ATP2B1: variants seen among roughly 807,000 people sequenced by gnomAD.
ATP2B1 encodes the protein ATPase plasma membrane Ca2+ transporting 1, also known as plasma membrane calcium-transporting ATPase 1.
A neutral mutation model predicts 124.2 loss-of-function variants in ATP2B1; 14 were observed. The observed-to-expected ratio is 0.11, with a 90% CI of 0.07 to 0.18. The LOEUF (loss-of-function observed/expected upper bound fraction) is 0.18, where lower values mean the gene tolerates loss of function less well. Ranked by LOEUF, ATP2B1 falls within the 10% of genes least tolerant of loss-of-function variation. The pLI is 1.00. For missense variants in ATP2B1, 763 were observed against 1,466.1 expected, an observed-to-expected ratio of 0.52 and a Z score of 7.83; for synonymous variants, 449 against 492.4, an observed-to-expected ratio of 0.91 and a Z score of 1.17.
intron 1 of ATP2B1, among the ~76,000 whole-genome samples, chr12:89,658,642 A>AGAGAGAGAGG (rs1886293587): frequency 6.7e-6 from 1 of 150,208 alleles, no homozygotes; most frequent in Non-Finnish European, 1.5e-5. Context: ...AGAGAGAGAG[A>AGAGAGAGAGG]GAGAGATAGA....
chr12:89,692,489 C>T (rs1197243825), intron 1 of ATP2B1, among the ~76,000 whole-genome samples: 2 of 152,110 alleles, frequency 1.3e-5, no homozygotes, highest in Non-Finnish European at 2.9e-5. Flanking sequence ...CAGGGAGAGG[C>T]TCTGGCCACT....
chr12:89,653,940 G>A (rs921617851), intron 2 of ATP2B1, among the ~76,000 whole-genome samples: 1 of 152,200 alleles, frequency 6.6e-6, no homozygotes, highest in Non-Finnish European at 1.5e-5. Flanking sequence ...ACAGTTGAGT[G>A]AAGATTTGAA....
chr12:89,684,297 T>G (rs1218444122), intron 1 of ATP2B1, among the ~76,000 whole-genome samples: 1 of 152,176 alleles, frequency 6.6e-6, no homozygotes, highest in Non-Finnish European at 1.5e-5. Context: ...TTCTACATAT[T>G]CAAAATGTAA....
intron 1 of ATP2B1, among the ~76,000 whole-genome samples, chr12:89,699,074 CT>C (rs1410939631): frequency 6.6e-6 from 1 of 152,184 alleles, no homozygotes; most frequent in Non-Finnish European, 1.5e-5. Flanking sequence ...TTTTGCCCCC[CT>C]GTCCCCTCTT....
At chr12:89,674,037 T>C (rs1273921066) in intron 1 of ATP2B1, among the ~76,000 whole-genome samples, 1 of 152,232 alleles carries the variant, frequency 6.6e-6, no homozygotes, top group East Asian at 1.9e-4. Context: ...AACCTCTTAC[T>C]GACATGGGCA....
At chr12:89,682,575 AT>A (rs1259797226) in intron 1 of ATP2B1, among the ~76,000 whole-genome samples, 1 of 152,200 alleles carries the variant, frequency 6.6e-6, no homozygotes, top group Non-Finnish European at 1.5e-5. Context: ...ATATATGACA[AT>A]GGTAGTAGCT....
intron 2 of ATP2B1, among the ~76,000 whole-genome samples, chr12:89,648,940 A>T (rs1884874751): frequency 6.6e-6 from 1 of 152,254 alleles, no homozygotes; most frequent in South Asian, 2.1e-4. Flanking sequence ...GCAAGCCGTA[A>T]GCCTTGGTAG....
intron 13 of ATP2B1, 123 bp downstream of exon 13, chr12:89,611,070 T>G: frequency 1.1e-6 from 1 of 880,624 alleles, no homozygotes; most frequent in Non-Finnish European, 1.6e-6. Context: ...TCCTAAGGTA[T>G]AGACTGCATT....
At chr12:89,653,065 T>C (rs895573025) in intron 2 of ATP2B1, among the ~76,000 whole-genome samples, 12 of 152,160 alleles carry the variant, frequency 7.9e-5, no homozygotes, top group Non-Finnish European at 1.5e-5. Context: ...ATAAGTATAA[T>C]GCTTAAAATG....
intron 2 of ATP2B1, among the ~76,000 whole-genome samples, chr12:89,647,794 C>T (rs1193763206): frequency 6.6e-6 from 1 of 152,088 alleles, no homozygotes. Context: ...GGGGCGAATC[C>T]TTCATGAATG....
chr12:89,612,547 G>GAAAC (rs1237855567), intron 12 of ATP2B1, among the ~76,000 whole-genome samples: 1 of 151,984 alleles, frequency 6.6e-6, no homozygotes, highest in Non-Finnish European at 1.5e-5. Flanking sequence ...GCAAAAGAAA[G>GAAAC]AAACAGAGAT....
intron 5 of ATP2B1, among the ~76,000 whole-genome samples, chr12:89,633,555 T>A (rs1457459031): frequency 6.6e-6 from 1 of 152,004 alleles, no homozygotes; most frequent in Non-Finnish European, 1.5e-5. Context: ...ATGGTGTTTA[T>A]AAATGTAATT....
chr12:89,658,643 G>GAT (rs1886294155), intron 1 of ATP2B1, among the ~76,000 whole-genome samples: 1 of 142,788 alleles, frequency 7.0e-6, no homozygotes, highest in Non-Finnish European at 1.6e-5. Context: ...GAGAGAGAGA[G>GAT]AGAGATAGAG....
At chr12:89,671,256 GA>G (rs1006470228) in intron 1 of ATP2B1, among the ~76,000 whole-genome samples, 5 of 151,978 alleles carry the variant, frequency 3.3e-5, no homozygotes, top group Non-Finnish European at 5.9e-5. Flanking sequence ...CTCAATGGGA[GA>G]AAAAAAGCAT....
chr12:89,628,692 A>T (rs1881338496), intron 6 of ATP2B1, among the ~76,000 whole-genome samples: 1 of 152,180 alleles, frequency 6.6e-6, no homozygotes, highest in African/African-American at 2.4e-5. Flanking sequence ...GAGCAGGAGA[A>T]CCATTCATCC....
rs116881809 is a variant in ATP2B1 at position 89,647,555 on chromosome 12, C to T, written c.209-5200G>A. Among the ~76,000 whole-genome samples the T allele has an allele frequency of 3.6e-3, 546 of 152,112 alleles. 1 individual carries two copies. The highest frequency in any genetic ancestry group is 0.01 in the African/African-American group (415 of 41,484). On this transcript the variant is annotated intron_variant, in intron 2 of 20. Transcript: ENST00000428670. The stretch of plus-strand genomic sequence containing the variant: ...CTGGAATGTTGGATGTAGATTTAAC[C>T]GACAATCACAGCTAACACACAGCAC...
chr12:89,647,862 C>G (rs1041427333), intron 2 of ATP2B1, among the ~76,000 whole-genome samples: 1 of 152,074 alleles, frequency 6.6e-6, no homozygotes, highest in African/African-American at 2.4e-5. Context: ...CATGCCAGAT[C>G]TGGTTAAGAG....
intron 12 of ATP2B1, 75 bp from the exon 13 acceptor site, chr12:89,611,447 A>G (rs972245954): frequency 1.6e-6 from 2 of 1,243,028 alleles, no homozygotes; most frequent in African/African-American, 1.5e-5. Flanking sequence ...ACTGCACACG[A>G]CTGCATTAAT....
intron 15 of ATP2B1, among the ~76,000 whole-genome samples, chr12:89,605,443 C>A (rs1592720232): frequency 6.6e-6 from 1 of 152,018 alleles, no homozygotes; most frequent in South Asian, 2.1e-4. Context: ...GAGTTTGACC[C>A]CCTCTTGCTT....
Sources: gnomAD v4.1 joint callset for allele counts (sites outside exome capture counted in the v4.1 genomes callset) on GRCh38, gnomAD v4.1.1 for gene constraint, MANE v1.5 for transcripts, NCBI Gene and HGNC (gene_info 2026-07-23, HGNC 2026-07-21) for gene names.